PCDHGB3: variants seen among roughly 807,000 people sequenced by gnomAD.
PCDHGB3 encodes protocadherin gamma subfamily B, 3.
Under a neutral mutation model 59.2 loss-of-function variants are expected in PCDHGB3, and 40 were observed. The observed-to-expected ratio is 0.68, with a 90% CI of 0.52 to 0.88. The LOEUF (loss-of-function observed/expected upper bound fraction) is 0.88, where lower values mean the gene tolerates loss of function less well. Ranked by LOEUF, PCDHGB3 falls within the 40% of genes least tolerant of loss-of-function variation. PCDHGB3 has a pLI of 0.00. For synonymous variants in PCDHGB3, 581 were observed against 503.6 expected (o/e 1.15, Z -2.06); for missense variants, 1,309 against 1,187.9 (o/e 1.10, Z -1.50).
At position 141,485,331 on chromosome 5, in the gene PCDHGB3, T is replaced by G; in HGVS notation, c.2416-9476T>G. 6.2e-7 allele frequency: 1 copy of G among 1,614,166 alleles called. No individual in the cohort carries two copies. Among genetic ancestry groups the G allele is most frequent in the Admixed American group, 1.7e-5 (1 of 60,022 alleles). Reference sequence around the variant, plus strand: ...GTAGGGAATGTCGCTCAAGATTTCCTGCTGGATACGGACAGTCTGTCAGCT... The same window carrying G: ...GTAGGGAATGTCGCTCAAGATTTCCGGCTGGATACGGACAGTCTGTCAGCT... On this transcript the variant is annotated intron_variant, in intron 1 of 3. Coordinates refer to ENST00000576222, the MANE Select transcript of PCDHGB3 (RefSeq NM_018924.5). The surrounding 1 kb of genome is among the most constrained non-coding windows in gnomAD (Gnocchi z 5.7).
intron 1 of PCDHGB3, chr5:141,388,630 T>G (rs754073337): frequency 6.2e-7 from 1 of 1,613,816 alleles, no homozygotes; most frequent in Admixed American, 1.7e-5. Context: ...GTATACAGGG[T>G]GAGCCTTTCA....
chr5:141,457,972 A>AC (rs1198043621), intron 1 of PCDHGB3, among the ~76,000 whole-genome samples: 4 of 152,218 alleles, frequency 2.6e-5, no homozygotes, highest in African/African-American at 9.6e-5. Flanking sequence ...TTAAAGGGAA[A>AC]CACACCCTTT....
intron 3 of PCDHGB3, among the ~76,000 whole-genome samples, chr5:141,510,194 G>T (rs920127442): frequency 6.6e-6 from 1 of 151,462 alleles, no homozygotes. Context: ...AATCACTTGA[G>T]CCCAGGAGGC....
chr5:141,399,274 C>T, intron 1 of PCDHGB3: 1 of 1,613,848 alleles, frequency 6.2e-7, no homozygotes, highest in Non-Finnish European at 8.5e-7. Context: ...TTGTCAATTA[C>T]AAGGCGAAGT....
intron 1 of PCDHGB3, chr5:141,398,974 A>G (rs1486049931): frequency 1.4e-5 from 23 of 1,613,860 alleles, no homozygotes; most frequent in Non-Finnish European, 1.9e-5. Context: ...TTCCTTCTAC[A>G]GAACCGGGCA....
At position 141,370,670 on chromosome 5, in the gene PCDHGB3, AGAG is replaced by A. The variant is rs774593251; in HGVS notation, c.280_282del (p.Glu94del). On this transcript the variant is annotated inframe_deletion, in exon 1 of 4. Coordinates refer to ENST00000576222, the MANE Select transcript of PCDHGB3 (RefSeq NM_018924.5). ...TACTTGTGAGCGACCGTATAGACCGAGAGGAGATTTGTGGCAAGAAGTCGACGT... is the reference window on the plus strand; with the variant it reads ...TACTTGTGAGCGACCGTATAGACCGAGAGATTTGTGGCAAGAAGTCGACGT... The A allele has an allele frequency of 1.4e-5, 22 of 1,613,768 alleles. No homozygotes were observed. In the South Asian group the frequency reaches 1.5e-4, roughly 11 times the overall value.
chr5:141,478,399 T>C, intron 1 of PCDHGB3: 1 of 1,613,514 alleles, frequency 6.2e-7, no homozygotes, highest in South Asian at 1.1e-5. Flanking sequence ...ATCAGGTGTA[T>C]CTCACCACGG....
chr5:141,456,139 C>T (rs999574407), intron 1 of PCDHGB3, among the ~76,000 whole-genome samples: 20 of 152,010 alleles, frequency 1.3e-4, no homozygotes, highest in Admixed American at 9.8e-4. Context: ...CCTCCTGATC[C>T]GCCCGCCTCG....
At chr5:141,462,116 C>T (rs535029363) in intron 1 of PCDHGB3, among the ~76,000 whole-genome samples, 3 of 152,152 alleles carry the variant, frequency 2.0e-5, no homozygotes, top group Admixed American at 1.3e-4. Context: ...AGCCACTGCA[C>T]CCAGTCCAAT....
intron 1 of PCDHGB3, chr5:141,399,671 C>T (rs764084700): frequency 1.2e-6 from 2 of 1,613,512 alleles, no homozygotes; most frequent in East Asian, 4.5e-5. Flanking sequence ...GCGCAGCGCG[C>T]CTTTGACTAC....
At chr5:141,468,931 G>A (rs1321821773) in intron 1 of PCDHGB3, among the ~76,000 whole-genome samples, 2 of 148,600 alleles carry the variant, frequency 1.3e-5, no homozygotes, top group Non-Finnish European at 3.0e-5. Flanking sequence ...GCACTAAAAT[G>A]GGAGATGGGG....
At chr5:141,484,176 A>G (rs1044076131) in intron 1 of PCDHGB3, among the ~76,000 whole-genome samples, 1 of 152,236 alleles carries the variant, frequency 6.6e-6, no homozygotes, top group East Asian at 1.9e-4. Context: ...GCTGATCTCA[A>G]TCATTCAAGG....
rs779191558 is a variant in PCDHGB3 at position 141,491,465 on chromosome 5, A to G, written c.2416-3342A>G. On this transcript the variant is annotated intron_variant, in intron 1 of 3. Coordinates refer to ENST00000576222, the MANE Select transcript of PCDHGB3 (RefSeq NM_018924.5). This position sits in a 1 kb window ranked among gnomAD's most constrained non-coding sequence, Gnocchi z 6.9. The stretch of plus-strand genomic sequence containing the variant: ...CAGGACTCACCCTCCCCGGACTTCT[A>G]TAAGCAGTCCAGCCCCAACCTGCAG... 1.2e-6 allele frequency: 2 copies of G among 1,613,974 alleles called. No homozygotes were observed. The highest frequency in any genetic ancestry group is 1.1e-5 in the South Asian group (1 of 91,084).
chr5:141,494,937 G>C (rs759078748), intron 2 of PCDHGB3, 72 bp downstream of exon 2: 1 of 1,612,276 alleles, frequency 6.2e-7, no homozygotes, highest in African/African-American at 1.3e-5. Flanking sequence ...GAGGAGATGG[G>C]GGAGGGCCCA....
Position 141,431,534 on chromosome 5 carries a change from A to G in PCDHGB3, c.2415+58725A>G, listed in dbSNP as rs1331176313. Reference sequence around the variant, plus strand: ...CGTTCCGGAGAATCTGGCCTTGGGCACGCAGCTGCTTGTAGTCAACGCTAC... The same window carrying G: ...CGTTCCGGAGAATCTGGCCTTGGGCGCGCAGCTGCTTGTAGTCAACGCTAC... On this transcript the variant is annotated intron_variant, in intron 1 of 3. Coordinates refer to ENST00000576222, the MANE Select transcript of PCDHGB3 (RefSeq NM_018924.5). This position sits in a 1 kb window ranked among gnomAD's most constrained non-coding sequence, Gnocchi z 4.8. The G allele has an allele frequency of 1.2e-6, 2 of 1,614,110 alleles. No individual in the cohort carries two copies. The highest frequency in any genetic ancestry group is 8.5e-7 in the Non-Finnish European group (1 of 1,180,042).
chr5:141,422,549 TGAA>T (rs1554114956), intron 1 of PCDHGB3: 8 of 1,614,026 alleles, frequency 5.0e-6, no homozygotes, highest in Non-Finnish European at 6.8e-6. Flanking sequence ...CATGTCTGGC[TGAA>T]TGTGGCAGAT....
At position 141,394,267 on chromosome 5, in the gene PCDHGB3, C is replaced by T. The variant is rs563732311; in HGVS notation, c.2415+21458C>T. 1.2e-5 allele frequency: 19 copies of T among 1,613,926 alleles called. No individual in the cohort carries two copies. In the South Asian group the frequency reaches 2.0e-4, roughly 17 times the overall value. On this transcript the variant is annotated intron_variant, in intron 1 of 3. Transcript: ENST00000576222. The stretch of plus-strand genomic sequence containing the variant: ...CACGACCCCGACAGCCAGGAGAATG[C>T]CCAGGTCACTTACTCTGTGACCGAG...
chr5:141,402,944 G>A (rs1487270083), intron 1 of PCDHGB3: 2 of 1,592,136 alleles, frequency 1.3e-6, no homozygotes, highest in Non-Finnish European at 1.7e-6. Context: ...ATTCCAAAGC[G>A]AGGCAGCAAT....
At position 141,489,635 on chromosome 5, in the gene PCDHGB3, G is replaced by A. The variant is rs1380466520; in HGVS notation, c.2416-5172G>A. On this transcript the variant is annotated intron_variant, in intron 1 of 3. Coordinates refer to ENST00000576222, the MANE Select transcript of PCDHGB3 (RefSeq NM_018924.5). The surrounding 1 kb of genome is among the most constrained non-coding windows in gnomAD (Gnocchi z 4.5). Reference sequence around the variant, plus strand: ...CTGGATCTCAATGACAACTCTCCTAGCTTTGCCACCCCTGAGCGAGAGATG... The same window carrying A: ...CTGGATCTCAATGACAACTCTCCTAACTTTGCCACCCCTGAGCGAGAGATG... 6.2e-7 allele frequency: 1 copy of A among 1,614,142 alleles called. No individual in the cohort carries two copies. The highest frequency in any genetic ancestry group is 8.5e-7 in the Non-Finnish European group (1 of 1,180,012).
Sources: allele counts gnomAD v4.1 joint callset (sites outside exome capture counted in the v4.1 genomes callset), GRCh38; gene constraint gnomAD v4.1.1; non-coding constraint Gnocchi (gnomAD v3.1); transcripts MANE v1.5; gene names NCBI Gene and HGNC (gene_info 2026-07-23, HGNC 2026-07-21).